KHDRBS2: variants seen among roughly 807,000 people sequenced by gnomAD.
The protein encoded by KHDRBS2 is KH RNA binding domain containing, signal transduction associated 2.
In KHDRBS2, 26 loss-of-function variants were observed where a neutral mutation model predicts 44.3. The observed-to-expected ratio is 0.59, with a 90% CI of 0.43 to 0.81. KHDRBS2 has a LOEUF of 0.81. KHDRBS2 is among the 40% of genes least tolerant of loss of function. KHDRBS2 has a pLI of 0.00. For synonymous variants in KHDRBS2, 194 were observed against 151.1 expected, an observed-to-expected ratio of 1.28 and a Z score of -2.08; for missense variants, 476 against 433.1, an observed-to-expected ratio of 1.10 and a Z score of -0.88.
the KHDRBS2 span, among the ~76,000 whole-genome samples, chr6:61,656,289 C>T: frequency 6.6e-6 from 1 of 151,928 alleles, no homozygotes; most frequent in African/African-American, 2.4e-5. Context: ...TATTGAGAAC[C>T]TTCTCTGGCA....
At chr6:61,765,038 G>T (rs554332637) in intron 6 of KHDRBS2, among the ~76,000 whole-genome samples, 1 of 151,960 alleles carries the variant, frequency 6.6e-6, no homozygotes, top group Non-Finnish European at 1.5e-5. Context: ...TTCTTCAATC[G>T]AACTTCAAAT....
chr6:61,699,363 A>G (rs1768302045), intron 7 of KHDRBS2, among the ~76,000 whole-genome samples: 2 of 152,018 alleles, frequency 1.3e-5, no homozygotes, highest in South Asian at 4.1e-4. Flanking sequence ...GATACATTAT[A>G]TTTTCCTTCA....
chr6:61,936,350 T>A (rs1811024718), intron 4 of KHDRBS2, among the ~76,000 whole-genome samples: 1 of 152,048 alleles, frequency 6.6e-6, no homozygotes, highest in African/African-American at 2.4e-5. Context: ...ATTAATATTT[T>A]TATTCGGCCC....
chr6:62,203,208 T>G (rs1158076450), intron 1 of KHDRBS2, among the ~76,000 whole-genome samples: 6 of 152,072 alleles, frequency 3.9e-5, no homozygotes, highest in Non-Finnish European at 7.4e-5. Context: ...TTCATCCTCA[T>G]GGCAATGGGA....
chr6:62,199,987 G>T (rs1344042118), intron 1 of KHDRBS2, among the ~76,000 whole-genome samples: 1 of 152,112 alleles, frequency 6.6e-6, no homozygotes, highest in Non-Finnish European at 1.5e-5. Flanking sequence ...AATGGAGAAA[G>T]GATTCCCTAT....
chr6:62,011,301 G>T (rs1253580107), intron 3 of KHDRBS2, among the ~76,000 whole-genome samples: 1 of 152,022 alleles, frequency 6.6e-6, no homozygotes, highest in Non-Finnish European at 1.5e-5. Flanking sequence ...TCAAGTAAAA[G>T]TATTTACAAA....
At chr6:62,097,027 G>A (rs901561079) in intron 2 of KHDRBS2, among the ~76,000 whole-genome samples, 8 of 150,874 alleles carry the variant, frequency 5.3e-5, no homozygotes, top group Non-Finnish European at 1.0e-4. Context: ...AAATTTCCAT[G>A]TATTGGTATA....
chr6:62,257,697 C>T (rs895786695), intron 1 of KHDRBS2, among the ~76,000 whole-genome samples: 8 of 152,014 alleles, frequency 5.3e-5, no homozygotes, highest in Non-Finnish European at 1.0e-4. Context: ...AGTTGCACCA[C>T]TACCTTCAGC....
chr6:62,182,589 T>C (rs1822553770), intron 1 of KHDRBS2, among the ~76,000 whole-genome samples: 1 of 151,956 alleles, frequency 6.6e-6, no homozygotes, highest in African/African-American at 2.4e-5. Flanking sequence ...TCAAGCTGTA[T>C]ATATTACATA....
chr6:62,249,873 A>G (rs942935327), intron 1 of KHDRBS2, among the ~76,000 whole-genome samples: 1 of 152,054 alleles, frequency 6.6e-6, no homozygotes, highest in Non-Finnish European at 1.5e-5. Flanking sequence ...TAAATAACTA[A>G]TATAAATTTA....
chr6:62,194,270 AT>A (rs535021564), intron 1 of KHDRBS2, among the ~76,000 whole-genome samples: 2 of 151,116 alleles, frequency 1.3e-5, no homozygotes. Context: ...GTCCAACTTC[AT>A]TTTTTTTGCA....
intron 3 of KHDRBS2, among the ~76,000 whole-genome samples, chr6:62,028,264 A>G (rs1214880067): frequency 6.6e-6 from 1 of 152,116 alleles, no homozygotes; most frequent in Non-Finnish European, 1.5e-5. Flanking sequence ...AATGCAATGT[A>G]TATTTTATTT....
intron 7 of KHDRBS2, among the ~76,000 whole-genome samples, chr6:61,702,253 T>A (rs757583346): frequency 6.6e-6 from 1 of 151,940 alleles, no homozygotes; most frequent in Non-Finnish European, 1.5e-5. Context: ...TTTTACGACT[T>A]GTTTATCCTC....
chr6:61,954,841 T>TATATATACAC (rs1402714975), intron 4 of KHDRBS2, among the ~76,000 whole-genome samples: 10,643 of 77,844 alleles, frequency 0.14, 2,967 homozygotes, highest in Admixed American at 0.18. Flanking sequence ...CATATGTATG[T>TATATATACAC]ATACATATGC....
intron 4 of KHDRBS2, among the ~76,000 whole-genome samples, chr6:61,931,624 T>C (rs996532085): frequency 6.6e-6 from 1 of 152,228 alleles, no homozygotes; most frequent in Non-Finnish European, 1.5e-5. Context: ...TATTGCAAAC[T>C]AGCCAATTTT....
intron 2 of KHDRBS2, among the ~76,000 whole-genome samples, chr6:62,095,379 A>T (rs2127367714): frequency 6.6e-6 from 1 of 151,862 alleles, no homozygotes. Flanking sequence ...CAGGTATATA[A>T]TTTTTAATCT....
At chr6:62,225,036 G>A (rs1831524345) in intron 1 of KHDRBS2, among the ~76,000 whole-genome samples, 2 of 152,254 alleles carry the variant, frequency 1.3e-5, no homozygotes, top group East Asian at 1.9e-4. Flanking sequence ...GGAGCACTTG[G>A]CACTGTCTGA....
intron 2 of KHDRBS2, among the ~76,000 whole-genome samples, chr6:62,137,266 G>T (rs1811779335): frequency 1.3e-5 from 2 of 152,044 alleles, no homozygotes; most frequent in Non-Finnish European, 2.9e-5. Flanking sequence ...CTCCCAAAGT[G>T]CTGGGATTAC....
chr6:62,233,132 T>C (rs1002475279), intron 1 of KHDRBS2, among the ~76,000 whole-genome samples: 2 of 152,116 alleles, frequency 1.3e-5, no homozygotes, highest in African/African-American at 2.4e-5. Context: ...AGGAAGAGGG[T>C]AGCTTCCTCA....
Sources: gnomAD v4.1 joint callset for allele counts (sites outside exome capture counted in the v4.1 genomes callset) on GRCh38, gnomAD v4.1.1 for gene constraint, MANE v1.5 for transcripts, NCBI Gene and HGNC (gene_info 2026-07-23, HGNC 2026-07-21) for gene names.